PRKAG2: variants seen among roughly 807,000 people sequenced by gnomAD.
The protein encoded by PRKAG2 is 5'-AMP-activated protein kinase subunit gamma-2.
PRKAG2 carries 26 observed loss-of-function variants against 69.6 expected under a neutral mutation model. The observed-to-expected ratio is 0.37, with a 90% CI of 0.27 to 0.52. The LOEUF is 0.52. PRKAG2 is among the 20% of genes least tolerant of loss of function. The probability of loss-of-function intolerance (pLI) is 0.90; values close to 1 mark genes in which losing one functional copy is unlikely to be tolerated. For missense variants in PRKAG2, 557 were observed against 740.0 expected (o/e 0.75, Z 2.87); for synonymous variants, 293 against 285.0 (o/e 1.03, Z -0.28).
intron 1 of PRKAG2, among the ~76,000 whole-genome samples, chr7:151,844,705 T>C (rs974186846): frequency 2.0e-5 from 3 of 152,226 alleles, no homozygotes; most frequent in African/African-American, 2.4e-5. Flanking sequence ...GCTCACTGTC[T>C]CTATTTCGTC....
rs1034157561 is a variant in PRKAG2 at position 151,780,396 on chromosome 7, T to A, written c.466+756A>T. 6.6e-6 allele frequency among the ~76,000 whole-genome samples: 1 copy of A among 152,220 alleles called. No homozygotes were observed. The highest frequency in any genetic ancestry group is 6.5e-5 in the Admixed American group (1 of 15,278). On this transcript the variant is annotated intron_variant, in intron 3 of 15. Coordinates refer to ENST00000287878, the MANE Select transcript of PRKAG2 (RefSeq NM_016203.4). The surrounding 1 kb of genome is among the most constrained non-coding windows in gnomAD (Gnocchi z 4.2). ...CTCTGATGGTCAAGGACAAATTTGT[T>A]TTCCACATCACTATCTTCCCCAATA...
chr7:151,833,255 G>A (rs1466472205), intron 1 of PRKAG2, among the ~76,000 whole-genome samples: 1 of 152,160 alleles, frequency 6.6e-6, no homozygotes, highest in African/African-American at 2.4e-5. Context: ...ACTGACCATT[G>A]GAAGCTGGGA....
At chr7:151,708,576 C>T (rs1839012159) in intron 3 of PRKAG2, among the ~76,000 whole-genome samples, 1 of 152,124 alleles carries the variant, frequency 6.6e-6, no homozygotes, top group African/African-American at 2.4e-5. Flanking sequence ...AATTTGGAGC[C>T]AGAGGGTCCT....
At chr7:151,840,866 G>A (rs186576139) in intron 1 of PRKAG2, among the ~76,000 whole-genome samples, 10 of 152,324 alleles carry the variant, frequency 6.6e-5, no homozygotes, top group East Asian at 3.9e-4. Flanking sequence ...TGCCGGGCAC[G>A]GTGGCACCTA....
intron 1 of PRKAG2, among the ~76,000 whole-genome samples, chr7:151,820,591 TCGGAACACCGCTCCG>T (rs2151863590): frequency 8.8e-6 from 1 of 113,532 alleles, no homozygotes; most frequent in African/African-American, 3.3e-5. Flanking sequence ...CACACTCTAC[TCGGAACACCGCTCCG>T]TGGCCTGGCC....
At chr7:151,875,463 G>T (rs2151918677) in intron 1 of PRKAG2, among the ~76,000 whole-genome samples, 1 of 152,336 alleles carries the variant, frequency 6.6e-6, no homozygotes, top group East Asian at 1.9e-4. Context: ...TGACCCTGTC[G>T]GGAAGGATTA....
At chr7:151,578,652 C>A (rs1368034534) in intron 6 of PRKAG2, among the ~76,000 whole-genome samples, 1 of 152,168 alleles carries the variant, frequency 6.6e-6, no homozygotes, top group East Asian at 1.9e-4. Flanking sequence ...CAAATGACTA[C>A]AAGAGAATGA....
intron 3 of PRKAG2, among the ~76,000 whole-genome samples, chr7:151,750,509 C>T (rs926742439): frequency 5.9e-5 from 9 of 152,180 alleles, no homozygotes; most frequent in African/African-American, 2.2e-4. Flanking sequence ...CAGAAGCCCG[C>T]AGGTCATGGG....
intron 1 of PRKAG2, among the ~76,000 whole-genome samples, chr7:151,827,696 G>A (rs1269592834): frequency 7.9e-6 from 1 of 126,904 alleles, no homozygotes; most frequent in Non-Finnish European, 1.6e-5. Flanking sequence ...TAGAGGCACA[G>A]CTTTTCCAAA....
At chr7:151,698,342 C>G (rs929904042) in intron 3 of PRKAG2, among the ~76,000 whole-genome samples, 1 of 152,184 alleles carries the variant, frequency 6.6e-6, no homozygotes, top group Non-Finnish European at 1.5e-5. Flanking sequence ...CATCCCCCAC[C>G]CCCTCGCCTG....
chr7:151,845,655 C>T (rs1246159261), intron 1 of PRKAG2, among the ~76,000 whole-genome samples: 1 of 152,160 alleles, frequency 6.6e-6, no homozygotes, highest in African/African-American at 2.4e-5. Flanking sequence ...ATGCCTGCCT[C>T]CCTTCCCAAC....
In PRKAG2 at chr7:151,870,150, TAGATAGGC is replaced by T. The variant is rs1372029567; in HGVS notation, c.114+6349_114+6356del. Among the ~76,000 whole-genome samples the T allele has an allele frequency of 4.4e-3, 568 of 128,040 alleles. 5 individuals carry two copies. The highest frequency in any genetic ancestry group is 0.02 in the Middle Eastern group (5 of 250). The allele number at this position is 128,040 out of a possible 152,430, so 84.0% of individuals were successfully genotyped here. A position where few individuals can be genotyped will look rare whatever the true frequency, so the allele number is the denominator to read the frequency against. ...ATAGATAGATAGATAGATAGATAGATAGATAGGCAGGCAGGCAGGCAGGCAGGCAGGCA... is the reference window on the plus strand; with the variant it reads ...ATAGATAGATAGATAGATAGATAGATAGGCAGGCAGGCAGGCAGGCAGGCA... On this transcript the variant is annotated intron_variant, in intron 1 of 15. Transcript: ENST00000287878.
At chr7:151,825,081 G>A (rs1314996845) in intron 1 of PRKAG2, among the ~76,000 whole-genome samples, 2 of 152,022 alleles carry the variant, frequency 1.3e-5, no homozygotes, top group East Asian at 3.9e-4. Flanking sequence ...GGGTGTGGTG[G>A]CAGGCGCGTG....
chr7:151,567,227 G>A lies in PRKAG2; in HGVS notation c.1234-1342C>T, dbSNP rs1047752637. Among the ~76,000 whole-genome samples the A allele has an allele frequency of 7.2e-5, 11 of 152,152 alleles. 1 individual carries two copies. The highest frequency in any genetic ancestry group is 1.7e-4 in the African/African-American group (7 of 41,426). On this transcript the variant is annotated intron_variant, in intron 11 of 15. Coordinates refer to ENST00000287878, the MANE Select transcript of PRKAG2 (RefSeq NM_016203.4). The surrounding 1 kb of genome is among the most constrained non-coding windows in gnomAD (Gnocchi z 4.2). ...AACGCCTCCCTCCCAAGGCCCCTGC[G>A]TGGAGAAAAGCATGGGGAGTGAGGA...
intron 1 of PRKAG2, among the ~76,000 whole-genome samples, chr7:151,875,839 G>A (rs2080384349): frequency 1.3e-5 from 2 of 152,198 alleles, no homozygotes; most frequent in East Asian, 1.9e-4. Flanking sequence ...TGGCGCGGAC[G>A]GGGCTGAAGT....
intron 3 of PRKAG2, among the ~76,000 whole-genome samples, chr7:151,755,773 T>C (rs2075041198): frequency 6.6e-6 from 1 of 152,132 alleles, no homozygotes; most frequent in Admixed American, 6.5e-5. Context: ...AAGAGACTCC[T>C]CTCCTTGCTG....
chr7:151,631,070 G>A (rs892540637), intron 5 of PRKAG2, among the ~76,000 whole-genome samples: 1 of 152,228 alleles, frequency 6.6e-6, no homozygotes, highest in African/African-American at 2.4e-5. Flanking sequence ...GTAATTGCCT[G>A]ACTGTGAATG....
intron 3 of PRKAG2, among the ~76,000 whole-genome samples, chr7:151,679,117 G>A (rs993309953): frequency 6.6e-6 from 1 of 152,180 alleles, no homozygotes; most frequent in Admixed American, 6.5e-5. Flanking sequence ...ATGGGGGTGT[G>A]TCAGCAGGCA....
chr7:151,592,920 C>T (rs1028108477), intron 6 of PRKAG2, among the ~76,000 whole-genome samples: 1 of 152,156 alleles, frequency 6.6e-6, no homozygotes, highest in African/African-American at 2.4e-5. Flanking sequence ...TTAACCAATG[C>T]CAAACAACTC....
Sources: gnomAD v4.1 joint callset for allele counts (sites outside exome capture counted in the v4.1 genomes callset) on GRCh38, gnomAD v4.1.1 for gene constraint, Gnocchi (gnomAD v3.1) non-coding constraint, MANE v1.5 for transcripts, NCBI Gene and HGNC (gene_info 2026-07-23, HGNC 2026-07-21) for gene names.